Variants in FAM107B observed in about 807,000 individuals in gnomAD.
FAM107B encodes the protein family with sequence similarity 107 member B, also known as protein FAM107B.
In FAM107B, 21 loss-of-function variants were observed where a neutral mutation model predicts 31.5. The ratio of observed to expected loss-of-function variants is 0.67; its 90% CI spans 0.47 to 0.96. The LOEUF (loss-of-function observed/expected upper bound fraction) is 0.96, where lower values mean the gene tolerates loss of function less well. FAM107B is among the 40% of genes least tolerant of loss of function. The pLI, the probability that FAM107B is intolerant of heterozygous loss-of-function variation, is 0.00. For synonymous variants in FAM107B, 157 were observed against 141.5 expected, an observed-to-expected ratio of 1.11 and a Z score of -0.78; for missense variants, 452 against 377.1, an observed-to-expected ratio of 1.20 and a Z score of -1.64.
chr10:14,590,274 T>G (rs956444152), intron 2 of FAM107B, among the ~76,000 whole-genome samples: 31 of 152,230 alleles, frequency 2.0e-4, no homozygotes, highest in Non-Finnish European at 4.4e-5. Flanking sequence ...ATCTTTCTTT[T>G]AGGACTTATT....
intron 2 of FAM107B, among the ~76,000 whole-genome samples, chr10:14,592,092 G>A (rs1852039270): frequency 6.6e-6 from 1 of 152,218 alleles, no homozygotes; most frequent in African/African-American, 2.4e-5. Context: ...ATGCTGGGGA[G>A]GTGGGAAGTT....
chr10:14,643,534 A>C (rs10752341), intron 2 of FAM107B, among the ~76,000 whole-genome samples: 143,100 of 151,790 alleles, frequency 0.94, 67,595 homozygotes, highest in African/African-American at 0.97. Flanking sequence ...CTCAGCCTCC[A>C]GAGCAGATGG....
intron 2 of FAM107B, among the ~76,000 whole-genome samples, chr10:14,585,448 G>C (rs1851791927): frequency 6.6e-6 from 1 of 152,096 alleles, no homozygotes; most frequent in Non-Finnish European, 1.5e-5. Flanking sequence ...ACCAGTCCCT[G>C]CCACCAAGCC....
rs780996235 is a variant in FAM107B at position 14,774,594 on chromosome 10, A to G, written c.70T>C (p.Cys24Arg). The G allele has an allele frequency of 6.2e-7, 1 of 1,614,176 alleles. No individual in the cohort carries two copies. The highest frequency in any genetic ancestry group is 8.5e-7 in the Non-Finnish European group (1 of 1,180,034). Residue 24 changes from cysteine to arginine, a missense_variant, in exon 1 of 5, where the codon TGC becomes CGC. By Grantham distance (180) the Cys-to-Arg change is radical (BLOSUM62 -3). Coordinates refer to ENST00000181796, the MANE Select transcript of FAM107B (RefSeq NM_031453.4). ...CCAAAACAGGCGAGCAGAGCTGAGC[A>G]CGGAAATGGATGCATGCTTCTAGAG... ...SPSRSMHPFP[C>R]SALLACFGNT...
At chr10:14,603,638 T>C (rs751831331) in intron 2 of FAM107B, among the ~76,000 whole-genome samples, 2 of 152,136 alleles carry the variant, frequency 1.3e-5, no homozygotes, top group Admixed American at 1.3e-4. Context: ...GGAACCCAAA[T>C]TGAATTAGGA....
chr10:14,573,069 C>T (rs886091289), intron 2 of FAM107B, among the ~76,000 whole-genome samples: 5 of 152,098 alleles, frequency 3.3e-5, no homozygotes, highest in Admixed American at 1.3e-4. Flanking sequence ...CATTTCAACT[C>T]CTGCACCAAG....
At chr10:14,522,047 A>C in intron 3 of FAM107B, 28 bp from the exon 4 acceptor site, 1 of 1,590,910 alleles carries the variant, frequency 6.3e-7, no homozygotes, top group South Asian at 1.2e-5. Context: ...CAAAAATAGA[A>C]AACGTTAATC....
At chr10:14,767,051 TATATAGAGAGAGAG>T (rs1169510554) in intron 1 of FAM107B, among the ~76,000 whole-genome samples, 10 of 31,822 alleles carry the variant, frequency 3.1e-4, no homozygotes, top group African/African-American at 9.9e-4. Flanking sequence ...TATATATATA[TATATAGAGAGAGAG>T]AGAGAGAGAG....
chr10:14,703,757 CA>C (rs1238309149), intron 1 of FAM107B, among the ~76,000 whole-genome samples: 4 of 152,320 alleles, frequency 2.6e-5, no homozygotes, highest in South Asian at 4.1e-4. Context: ...CTTTAGCAAT[CA>C]GTCAGGAAAA....
At chr10:14,667,605 G>C in intron 2 of FAM107B, 29 bp downstream of exon 2, 1 of 1,612,144 alleles carries the variant, frequency 6.2e-7, no homozygotes, top group East Asian at 2.2e-5. Flanking sequence ...CAGCAGCCTG[G>C]AAAAGGAATC....
intron 1 of FAM107B, among the ~76,000 whole-genome samples, chr10:14,724,503 T>C (rs1855984285): frequency 6.6e-6 from 1 of 152,180 alleles, no homozygotes. Flanking sequence ...TGTAGCTTTG[T>C]AGGAAATTTT....
chr10:14,739,500 T>C (rs995828172), intron 1 of FAM107B, among the ~76,000 whole-genome samples: 2 of 152,150 alleles, frequency 1.3e-5, no homozygotes, highest in African/African-American at 4.8e-5. Flanking sequence ...TTGGGGAAAC[T>C]TACTGCCTCA....
intron 2 of FAM107B, among the ~76,000 whole-genome samples, chr10:14,616,133 A>T (rs1342015111): frequency 6.6e-6 from 1 of 152,228 alleles, no homozygotes; most frequent in African/African-American, 2.4e-5. Context: ...CTTTTTAAAA[A>T]AATAATAATA....
intron 2 of FAM107B, among the ~76,000 whole-genome samples, chr10:14,604,680 G>C (rs1001212134): frequency 1.3e-5 from 2 of 152,044 alleles, no homozygotes; most frequent in Non-Finnish European, 2.9e-5. Flanking sequence ...GCGGCCGCGT[G>C]GGTCACAGCC....
intron 2 of FAM107B, among the ~76,000 whole-genome samples, chr10:14,611,927 T>C (rs1238077835): frequency 6.6e-6 from 1 of 152,168 alleles, no homozygotes; most frequent in African/African-American, 2.4e-5. Flanking sequence ...CTCATACATA[T>C]AAAACATTTA....
chr10:14,576,529 A>AAACAGCAAC (rs151054428), intron 2 of FAM107B, among the ~76,000 whole-genome samples: 9 of 147,194 alleles, frequency 6.1e-5, no homozygotes, highest in Non-Finnish European at 1.0e-4. Flanking sequence ...TACATCTCAA[A>AAACAGCAAC]AACAACAACA....
intron 2 of FAM107B, among the ~76,000 whole-genome samples, chr10:14,561,947 G>C (rs1850279120): frequency 6.6e-6 from 1 of 152,110 alleles, no homozygotes; most frequent in Non-Finnish European, 1.5e-5. Context: ...ACCACGCCCA[G>C]CTAATTTTTG....
intron 1 of FAM107B, among the ~76,000 whole-genome samples, chr10:14,686,533 C>T (rs762007569): frequency 2.0e-5 from 3 of 152,174 alleles, no homozygotes; most frequent in Non-Finnish European, 2.9e-5. Context: ...GCAGAAGTCA[C>T]GGCCCTAGGC....
At chr10:14,757,127 C>T (rs2131587163) in intron 1 of FAM107B, among the ~76,000 whole-genome samples, 1 of 151,968 alleles carries the variant, frequency 6.6e-6, no homozygotes, top group East Asian at 1.9e-4. Flanking sequence ...TATGTAACAC[C>T]AAATCTGCAC....
Sources: allele counts gnomAD v4.1 joint callset (sites outside exome capture counted in the v4.1 genomes callset), GRCh38; gene constraint gnomAD v4.1.1; transcripts MANE v1.5; gene names NCBI Gene and HGNC (gene_info 2026-07-23, HGNC 2026-07-21).